The following PCDH15 variants were observed in gnomAD, a reference collection of about 807,000 sequenced individuals.
PCDH15 encodes protocadherin related 15.
PCDH15 carries 129 observed loss-of-function variants against 178.5 expected under a neutral mutation model. The observed-to-expected ratio is 0.72, with a 90% CI of 0.63 to 0.84. The LOEUF (loss-of-function observed/expected upper bound fraction) is 0.84. Ranked by LOEUF, PCDH15 falls within the 40% of genes least tolerant of loss-of-function variation. PCDH15 has a pLI of 0.00. For synonymous variants in PCDH15, 800 were observed against 732.0 expected, an observed-to-expected ratio of 1.09 and a Z score of -1.50; for missense variants, 2,230 against 2,099.9, an observed-to-expected ratio of 1.06 and a Z score of -1.21.
chr10:55,172,334 A>C (rs987537972), intron 1 of PCDH15, among the ~76,000 whole-genome samples: 1 of 152,022 alleles, frequency 6.6e-6, no homozygotes, highest in Non-Finnish European at 1.5e-5. Flanking sequence ...TTTCAAGATA[A>C]AAGTACAAAA....
At chr10:55,458,561 A>G (rs1290484572) in intron 2 of PCDH15, among the ~76,000 whole-genome samples, 2 of 152,036 alleles carry the variant, frequency 1.3e-5, no homozygotes, top group Admixed American at 1.3e-4. Context: ...ATCTGTTCTC[A>G]TTAGTGGCAA....
chr10:53,846,023 T>TACACACACACACAC lies in PCDH15; in HGVS notation c.3807-5541_3807-5528dup, dbSNP rs71461206. Among the ~76,000 whole-genome samples the TACACACACACACAC allele has an allele frequency of 9.4e-3, 1,382 of 147,124 alleles. 13 individuals are homozygous for TACACACACACACAC. The highest frequency in any genetic ancestry group is 0.042 in the South Asian group (196 of 4,626). ...AGGTTATATCAATAGTGTATGTGTA[T>TACACACACACACAC]ACACACACACACACACACACACACA... On this transcript the variant is annotated intron_variant, in intron 28 of 37. Transcript: ENST00000644397.
chr10:55,533,151 C>T (rs1402206570), intron 2 of PCDH15, among the ~76,000 whole-genome samples: 1 of 152,032 alleles, frequency 6.6e-6, no homozygotes, highest in African/African-American at 2.4e-5. Context: ...TGAAAGCACT[C>T]GCCTTGAAAA....
intron 10 of PCDH15, 119 bp downstream of exon 10, chr10:54,213,816 AC>A: frequency 1.6e-6 from 1 of 635,384 alleles, no homozygotes; most frequent in East Asian, 3.0e-5. Context: ...CAAAAAATTG[AC>A]TGACTGCTGT....
At chr10:53,864,972 G>A (rs1166492432) in intron 27 of PCDH15, among the ~76,000 whole-genome samples, 1 of 152,000 alleles carries the variant, frequency 6.6e-6, no homozygotes, top group Non-Finnish European at 1.5e-5. Flanking sequence ...ATGGTGGTGA[G>A]TGCTTGCAGT....
At chr10:54,029,657 T>C (rs1311382651) in intron 18 of PCDH15, among the ~76,000 whole-genome samples, 2 of 152,180 alleles carry the variant, frequency 1.3e-5, no homozygotes, top group Admixed American at 1.3e-4. Context: ...GTCAAGGGAA[T>C]TTATTGAACC....
chr10:53,907,298 C>T (rs2082746352), intron 25 of PCDH15: 1 of 152,006 alleles, frequency 6.6e-6, no homozygotes, highest in Admixed American at 6.6e-5. Flanking sequence ...CATGTTGTAT[C>T]CTTTATTTAA....
chr10:54,091,206 G>A (rs908787341), intron 15 of PCDH15, among the ~76,000 whole-genome samples: 2 of 152,170 alleles, frequency 1.3e-5, no homozygotes, highest in African/African-American at 4.8e-5. Flanking sequence ...CTATCAGAGA[G>A]TTGACAGAAT....
chr10:54,233,720 G>A (rs2134344401), intron 9 of PCDH15, among the ~76,000 whole-genome samples: 1 of 152,326 alleles, frequency 6.6e-6, no homozygotes, highest in South Asian at 2.1e-4. Flanking sequence ...AGAGATGAGA[G>A]CTTAGGGCCT....
intron 3 of PCDH15, among the ~76,000 whole-genome samples, chr10:54,875,252 C>T (rs1171289684): frequency 6.6e-6 from 1 of 152,042 alleles, no homozygotes; most frequent in African/African-American, 2.4e-5. Context: ...TTGGGGGCAT[C>T]GCAAACCATA....
chr10:55,101,122 T>G (rs1445728573), intron 2 of PCDH15, among the ~76,000 whole-genome samples: 2 of 152,146 alleles, frequency 1.3e-5, no homozygotes, highest in Non-Finnish European at 2.9e-5. Context: ...CTAATGCCTA[T>G]AATCCCAGCA....
At chr10:54,468,225 T>A (rs12220423) in intron 3 of PCDH15, among the ~76,000 whole-genome samples, 1 of 151,910 alleles carries the variant, frequency 6.6e-6, no homozygotes, top group South Asian at 2.1e-4. Flanking sequence ...TTCTTGCTTT[T>A]AAAATTTATT....
intron 2 of PCDH15, among the ~76,000 whole-genome samples, chr10:55,544,321 C>A (rs890852166): frequency 6.6e-6 from 1 of 151,260 alleles, no homozygotes; most frequent in Non-Finnish European, 1.5e-5. Flanking sequence ...GTAATTTTGA[C>A]TTTTCTGACA....
intron 3 of PCDH15, among the ~76,000 whole-genome samples, chr10:54,489,971 T>C (rs2079434063): frequency 6.6e-6 from 1 of 152,182 alleles, no homozygotes. Context: ...GTGATCAGAA[T>C]TAAATTATAA....
intron 3 of PCDH15, among the ~76,000 whole-genome samples, chr10:54,818,065 C>A (rs1457051890): frequency 6.6e-6 from 1 of 151,942 alleles, no homozygotes; most frequent in Non-Finnish European, 1.5e-5. Flanking sequence ...GTATTAAAAT[C>A]CATAATTCAC....
rs147492083 is a variant in PCDH15, at chr10:55,312,314, A to G, written c.-156+7285T>C. 1.2e-3 allele frequency among the ~76,000 whole-genome samples: 186 copies of G among 152,180 alleles called. 4 individuals carry two copies. The East Asian group carries it at 0.035, about 28-fold the overall frequency. On this transcript the variant is annotated intron_variant, in intron 1 of 5. Transcript: ENST00000458638. ...AATGCAATGGTAAAGGGTATCAGTT[A>G]TTAAAAAAACAAAAATATTTTATTT...
intron 1 of PCDH15, among the ~76,000 whole-genome samples, chr10:54,673,722 G>A (rs986772039): frequency 3.0e-4 from 46 of 152,172 alleles, no homozygotes; most frequent in African/African-American, 8.7e-4. Context: ...ACAGGTGTGA[G>A]CCACTGTGCC....
chr10:54,253,218 C>CT (rs758626027), intron 8 of PCDH15, among the ~76,000 whole-genome samples: 1 of 151,846 alleles, frequency 6.6e-6, no homozygotes, highest in Non-Finnish European at 1.5e-5. Flanking sequence ...ATAAAAATAA[C>CT]TTTGTTTTGA....
intron 2 of PCDH15, among the ~76,000 whole-genome samples, chr10:54,628,155 A>C (rs1386781307): frequency 1.3e-5 from 2 of 152,182 alleles, no homozygotes; most frequent in African/African-American, 2.4e-5. Context: ...ACAGGAACCA[A>C]GGGAACAGGT....
Sources: allele counts gnomAD v4.1 joint callset (sites outside exome capture counted in the v4.1 genomes callset), GRCh38; gene constraint gnomAD v4.1.1; transcripts MANE v1.5; gene names NCBI Gene and HGNC (gene_info 2026-07-23, HGNC 2026-07-21).